Variants in MSLN observed in about 807,000 individuals in gnomAD.
MSLN encodes the protein mesothelin.
Under a neutral mutation model 72.6 loss-of-function variants are expected in MSLN, and 82 were observed. The ratio of observed to expected loss-of-function variants is 1.13; its 90% CI spans 0.94 to 1.36. The LOEUF is 1.36. Ranked by LOEUF, MSLN falls within the 40% of genes most tolerant of loss-of-function variation. The pLI is 0.00. For synonymous variants in MSLN, 456 were observed against 387.3 expected, an observed-to-expected ratio of 1.18 and a Z score of -2.08; for missense variants, 1,005 against 847.9, an observed-to-expected ratio of 1.19 and a Z score of -2.30.
Position 765,580 on chromosome 16 carries a change from C to T in MSLN, c.758C>T (p.Pro253Leu), listed in dbSNP as rs1192636251. 6.2e-7 allele frequency: 1 copy of T among 1,605,872 alleles called. No individual in the cohort carries two copies. ...STMDALRGLL[P>L]VLGQPIIRSI... ...ATGGACGCTCTGCGGGGCCTGCTGC[C>T]CGTGCTGGGCCAGCCCATCATCCGC... Residue 253 changes from proline to leucine, a missense_variant, in exon 10 of 18, where the codon CCC (proline) becomes CTC (leucine). Coordinates refer to ENST00000545450, the MANE Select transcript of MSLN (RefSeq NM_005823.6).
rs1208345837 is a variant in MSLN, at chr16:766,249, C to T, written c.1074+12C>T. The T allele has an allele frequency of 3.7e-6, 6 of 1,608,422 alleles. No homozygotes were observed. Among genetic ancestry groups the T allele is most frequent in the Non-Finnish European group, 5.1e-6 (6 of 1,176,240 alleles). On this transcript the variant is annotated intron_variant, in intron 12 of 17. Transcript: ENST00000545450. ...ATAAACTGGATGAGGTAGTTCATGA[C>T]TCAAGTTCCCACCGGCCTGCTGTGT...
rs1158167038 is a variant in MSLN at position 766,338 on chromosome 16, T to C, written c.1078T>C (p.Tyr360His). 1.7e-5 allele frequency: 27 copies of C among 1,612,652 alleles called. No individual in the cohort carries two copies. The highest frequency in any genetic ancestry group is 3.3e-4 in the Middle Eastern group (2 of 6,060). The stretch of plus-strand genomic sequence containing the variant: ...CTCCTGGTCTCTTGGCCTGCAGCTC[T>C]ACCCACAAGGTTACCCCGAGTCTGT... ...DVLKHKLDEL[Y>H]PQGYPESVIQ... Residue 360 changes from tyrosine (Y) to histidine (H), a missense_variant, in exon 13 of 18, where the codon TAC (tyrosine) becomes CAC (histidine). Coordinates refer to ENST00000545450, the MANE Select transcript of MSLN (RefSeq NM_005823.6).
At position 764,138 on chromosome 16, in the gene MSLN, G is replaced by A. The variant is rs1367220910; in HGVS notation, c.295G>A (p.Glu99Lys). 2.5e-6 allele frequency: 4 copies of A among 1,603,768 alleles called. No individual in the cohort carries two copies. The highest frequency in any genetic ancestry group is 1.7e-4 in the Middle Eastern group (1 of 6,050). Residue 99 changes from glutamate (E) to lysine (K), a missense_variant, in exon 6 of 18, where the codon GAG becomes AAG. By Grantham distance (56) the Glu-to-Lys change is moderately conservative. Transcript: ENST00000545450. ...LAQKNVKLST[E>K]QLRCLAHRLS... ...ACAGAAGAATGTCAAGCTCTCAACA[G>A]AGCAGGTCAGTCTCAGTTGGGCTGA...
chr16:768,541 C>G lies in MSLN; in HGVS notation c.1759C>G (p.Leu587Val). The G allele has an allele frequency of 1.2e-6, 2 of 1,603,524 alleles. No homozygotes were observed. The highest frequency in any genetic ancestry group is 1.7e-6 in the Non-Finnish European group (2 of 1,174,730). ...ACAGGGCGGCATCCCCAACGGCTAC[C>G]TGGTCCTAGACCTCAGCATGCAAGG... is the stretch of plus-strand genomic sequence containing the variant. ...GLQGGIPNGY[L>V]VLDLSMQEAL... is the part of the protein sequence containing the mutation. Residue 587 changes from leucine to valine, a missense_variant, in exon 17 of 18, where the codon CTG becomes GTG. Physicochemically the swap from Leu to Val is conservative, Grantham distance 32. Transcript: ENST00000545450.
chr16:765,043 G>A lies in MSLN; in HGVS notation c.510+7G>A. 6.2e-7 allele frequency: 1 copy of A among 1,610,858 alleles called. No individual in the cohort carries two copies. The highest frequency in any genetic ancestry group is 8.5e-7 in the Non-Finnish European group (1 of 1,179,022). The stretch of plus-strand genomic sequence containing the variant: ...TGCGGCTCTGGCCTGCTGGGTAGGG[G>A]CTGGGGCCAGCGCGGGGCGGAGAGG... On this transcript the variant is annotated splice_region_variant and intron_variant, in intron 8 of 17. Transcript: ENST00000545450.
intron 3 of MSLN, 100 bp from the exon 4 acceptor site, chr16:763,133 G>A: frequency 1.3e-6 from 1 of 755,558 alleles, no homozygotes; most frequent in South Asian, 1.7e-5. Flanking sequence ...GCACAGGGCT[G>A]GCTGTGGGGG....
Position 768,499 on chromosome 16 carries a change from A to G in MSLN, c.1717A>G (p.Thr573Ala), listed in dbSNP as rs368464658. 4 of 1,586,414 alleles carry G rather than the reference A, an allele frequency of 2.5e-6. No individual in the cohort carries two copies. In the African/African-American group the frequency reaches 4.0e-5, roughly 16 times the overall value. Residue 573 changes from threonine (T) to alanine (A), a missense_variant, in exon 17 of 18, where the codon ACG (threonine) becomes GCG (alanine). Physicochemically the swap from Thr to Ala is moderately conservative, Grantham distance 58. Coordinates refer to ENST00000545450, the MANE Select transcript of MSLN (RefSeq NM_005823.6). ...ILRQRQDDLD[T>A]LGLGLQGGIP... ...ACGGCAGCGGCAGGACGACCTGGAC[A>G]CGCTGGGGCTGGGGCTACAGGGCGG...
chr16:768,344 G>C (rs2041668853), intron 16 of MSLN, 35 bp from the exon 17 acceptor site: 2 of 1,497,782 alleles, frequency 1.3e-6, no homozygotes, highest in East Asian at 4.6e-5. Context: ...GAGGGAAGGA[G>C]ACCCTCCTTG....
At position 766,903 on chromosome 16, in the gene MSLN, C is replaced by T. The variant is rs552285079; in HGVS notation, c.1392C>T (p.Asp464=). 6.8e-6 allele frequency: 11 copies of T among 1,612,512 alleles called. No homozygotes were observed. In the South Asian group the frequency reaches 7.7e-5, roughly 11 times the overall value. The change falls in exon 15 of 18, where the codon GAC becomes GAT. Residue 464 remains aspartate (D), a synonymous_variant. Coordinates refer to ENST00000545450, the MANE Select transcript of MSLN (RefSeq NM_005823.6). ...TCCCCAGGGCGGTCAGGCCCCAGGA[C>T]CTGGACACGTGTGACCCAAGGCAGC... ...PSSIWAVRPQ[D]LDTCDPRQLD...
intron 16 of MSLN, among the ~76,000 whole-genome samples, chr16:768,153 C>T (rs529825898): frequency 1.3e-5 from 2 of 149,366 alleles, no homozygotes; most frequent in African/African-American, 2.5e-5. Flanking sequence ...TAAGGCGGGT[C>T]TGCAGTGGGG....
intron 8 of MSLN, 22 bp from the exon 9 acceptor site, chr16:765,088 G>C: frequency 1.2e-6 from 2 of 1,605,556 alleles, no homozygotes; most frequent in Non-Finnish European, 1.7e-6. Context: ...TTCCAAAAGC[G>C]CTGAGGCCAG....
intron 15 of MSLN, among the ~76,000 whole-genome samples, 178 bp from the exon 16 acceptor site, chr16:767,198 G>A (rs909073039): frequency 3.3e-5 from 5 of 151,968 alleles, no homozygotes; most frequent in African/African-American, 9.7e-5. Flanking sequence ...AGCTCGGGGC[G>A]CCAGCCACCT....
chr16:764,170 T>C, intron 6 of MSLN, 27 bp downstream of exon 6: 1 of 1,592,628 alleles, frequency 6.3e-7, no homozygotes. Flanking sequence ...CTGAGGCAGG[T>C]GGGCACAGCT....
rs917666334 is a variant in MSLN at position 763,277 on chromosome 16, G to A, written c.129+1G>A. On this transcript the variant is annotated splice_donor_variant, in intron 4 of 17. Transcript: ENST00000545450. LOFTEE classifies it high-confidence loss of function. The stretch of plus-strand genomic sequence containing the variant: ...GACCCTGGCTGGAGAGACAGGGCAG[G>A]TAAGGTCCCCTCTGGGGAAACAGGG... 3 of 1,543,252 alleles carry A rather than the reference G, an allele frequency of 1.9e-6. No homozygotes were observed. The highest frequency in any genetic ancestry group is 2.6e-6 in the Non-Finnish European group (3 of 1,145,394).
chr16:768,674 C>T lies in MSLN; in HGVS notation c.1810C>T (p.Leu604=). The part of the protein sequence containing the change: ...QEALSGTPCL[L]GPGPVLTVLA... ...GGCCCTCTCGGGGACGCCCTGCCTCCTAGGACCTGGACCTGTTCTCACCGT... is the reference window on the plus strand; with the variant it reads ...GGCCCTCTCGGGGACGCCCTGCCTCTTAGGACCTGGACCTGTTCTCACCGT... The change falls in exon 18 of 18, where the codon CTA becomes TTA. Residue 604 remains leucine (L), a synonymous_variant. Transcript: ENST00000545450. 1 of 1,611,100 alleles carries T rather than the reference C, an allele frequency of 6.2e-7. No individual in the cohort carries two copies. The highest frequency in any genetic ancestry group is 1.7e-4 in the Middle Eastern group (1 of 6,056).
chr16:767,125 G>C (rs1187655371), intron 15 of MSLN, 113 bp downstream of exon 15: 33 of 1,512,222 alleles, frequency 2.2e-5, no homozygotes, highest in Non-Finnish European at 2.9e-5. Context: ...GGGTAACTGG[G>C]TGGTCACCCG....
intron 9 of MSLN, 38 bp downstream of exon 9, chr16:765,341 G>A (rs748849647): frequency 6.6e-7 from 1 of 1,512,034 alleles, no homozygotes; most frequent in South Asian, 1.2e-5. Context: ...GGCTCACCTG[G>A]CGGCGTGGTA....
At chr16:763,089 A>C (rs2041556601) in intron 3 of MSLN, 144 bp from the exon 4 acceptor site, 1 of 620,228 alleles carries the variant, frequency 1.6e-6, no homozygotes, top group Non-Finnish European at 2.9e-6. Context: ...CACGGGGTAC[A>C]TGGGCCTGAG....
At position 764,914 on chromosome 16, in the gene MSLN, G is replaced by A. The variant is rs749674939; in HGVS notation, c.388G>A (p.Ala130Thr). 5 of 1,611,794 alleles carry A rather than the reference G, an allele frequency of 3.1e-6. No individual in the cohort carries two copies. Among genetic ancestry groups the A allele is most frequent in the South Asian group, 2.2e-5 (2 of 90,914 alleles). The change falls in exon 8 of 18, where the codon GCG becomes ACG. Residue 130 changes from alanine (A) to threonine (T), a missense_variant. Transcript: ENST00000545450. Reference protein sequence around the residue: ...LDLLLFLNPDAFSGPQACTRF... With the variant: ...LDLLLFLNPDTFSGPQACTRF... The stretch of plus-strand genomic sequence containing the variant: ...AGCACCCTCTCTTCACAGCCCAGAT[G>A]CGTTCTCGGGGCCCCAGGCCTGCAC...
Sources: allele counts gnomAD v4.1 joint callset (sites outside exome capture counted in the v4.1 genomes callset), GRCh38; gene constraint gnomAD v4.1.1; transcripts MANE v1.5; gene names NCBI Gene and HGNC (gene_info 2026-07-23, HGNC 2026-07-21).